Variants in VPS8 observed in about 807,000 individuals in gnomAD.
VPS8 encodes the protein vacuolar protein sorting-associated protein 8 homolog.
Under a neutral mutation model 216.4 loss-of-function variants are expected in VPS8, and 129 were observed. The observed-to-expected ratio is 0.60, with a 90% CI of 0.52 to 0.69. VPS8 has a LOEUF of 0.69. Among genes scored for constraint, VPS8 ranks in the 30% least tolerant of loss-of-function variants. The probability of loss-of-function intolerance (pLI) is 0.00; values close to 1 mark genes in which losing one functional copy is unlikely to be tolerated. For synonymous variants in VPS8, 571 were observed against 565.4 expected, an observed-to-expected ratio of 1.01 and a Z score of -0.14; for missense variants, 1,531 against 1,683.5, an observed-to-expected ratio of 0.91 and a Z score of 1.59.
chr3:185,031,748 A>G (rs1486553909), intron 46 of VPS8, among the ~76,000 whole-genome samples: 4 of 152,234 alleles, frequency 2.6e-5, no homozygotes, highest in African/African-American at 4.8e-5. Flanking sequence ...ACCTACTACT[A>G]GAGGTGTTTG....
intron 21 of VPS8, among the ~76,000 whole-genome samples, chr3:184,872,292 G>T (rs1370126403): frequency 6.6e-6 from 1 of 152,070 alleles, no homozygotes; most frequent in African/African-American, 2.4e-5. Context: ...GTATGTGTGT[G>T]TGGAGAATAT....
chr3:184,902,208 T>C (rs1430478786), intron 25 of VPS8, among the ~76,000 whole-genome samples: 1 of 149,792 alleles, frequency 6.7e-6, no homozygotes, highest in African/African-American at 2.5e-5. Flanking sequence ...CCAGGCATGG[T>C]GGCTCATGCC....
chr3:184,849,221 A>C (rs549048392), intron 9 of VPS8, 26 bp downstream of exon 9: 3 of 1,601,560 alleles, frequency 1.9e-6, no homozygotes, highest in African/African-American at 2.7e-5. Context: ...CCTTTAATTC[A>C]TAAGACAATG....
chr3:184,833,519 G>C (rs1325022190), intron 4 of VPS8, among the ~76,000 whole-genome samples: 2 of 152,090 alleles, frequency 1.3e-5, no homozygotes, highest in Non-Finnish European at 2.9e-5. Context: ...CCTTCAAATA[G>C]ATAACTTAAA....
intron 7 of VPS8, chr3:184,840,042 C>T: frequency 4.1e-6 from 2 of 489,520 alleles, no homozygotes; most frequent in Non-Finnish European, 5.6e-6. Flanking sequence ...CTTGGGTTAT[C>T]ATCTTGTCTG....
intron 16 of VPS8, among the ~76,000 whole-genome samples, chr3:184,865,247 G>A (rs1727119641): frequency 6.6e-6 from 1 of 152,120 alleles, no homozygotes; most frequent in South Asian, 2.1e-4. Context: ...AAAACTAATG[G>A]TCAAAAACTT....
At chr3:184,862,733 T>A (rs1434006457) in intron 15 of VPS8, among the ~76,000 whole-genome samples, 164 bp from the exon 16 acceptor site, 1 of 152,270 alleles carries the variant, frequency 6.6e-6, no homozygotes, top group Non-Finnish European at 1.5e-5. Flanking sequence ...TACTGTTCTC[T>A]GGCCTGTCAC....
chr3:184,824,649 AC>A lies in VPS8; in HGVS notation c.19del (p.His7MetfsTer17). ...GAAGTAAATATGGAAAATGAACCAGACCATGAAAATGTGGAACAGAGCCTCT... is the reference window on the plus strand; with the variant it reads ...GAAGTAAATATGGAAAATGAACCAGACATGAAAATGTGGAACAGAGCCTCT... MENEP[D>X]HENVEQSLCA... On this transcript the variant is annotated frameshift_variant, in exon 2 of 48. Transcript: ENST00000625842. LOFTEE classifies it high-confidence loss of function. The A allele has an allele frequency of 6.2e-7, 1 of 1,613,886 alleles. No individual in the cohort carries two copies. The highest frequency in any genetic ancestry group is 8.5e-7 in the Non-Finnish European group (1 of 1,179,862).
chr3:184,840,860 A>G (rs891035815), intron 7 of VPS8, among the ~76,000 whole-genome samples: 22 of 152,332 alleles, frequency 1.4e-4, no homozygotes, highest in Non-Finnish European at 2.4e-4. Context: ...ACAGACTTCT[A>G]TATGGATTAC....
intron 42 of VPS8, among the ~76,000 whole-genome samples, chr3:184,984,467 AT>A (rs1418158674): frequency 6.6e-6 from 1 of 151,294 alleles, no homozygotes; most frequent in East Asian, 2.0e-4. Flanking sequence ...CTGATTTTGT[AT>A]TTTTAGTAGA....
intron 45 of VPS8, among the ~76,000 whole-genome samples, chr3:185,002,630 A>G (rs1434494920): frequency 1.3e-5 from 2 of 152,024 alleles, no homozygotes; most frequent in East Asian, 3.9e-4. Context: ...TGAGTCCCCA[A>G]AGTCCATTAT....
chr3:184,869,415 G>T, intron 19 of VPS8, 67 bp from the exon 20 acceptor site: 1 of 1,485,058 alleles, frequency 6.7e-7, no homozygotes, highest in South Asian at 1.2e-5. Context: ...TATGAAACCA[G>T]ACATAGTTTC....
intron 45 of VPS8, among the ~76,000 whole-genome samples, chr3:185,013,810 G>A (rs1755392576): frequency 6.6e-6 from 1 of 152,222 alleles, no homozygotes; most frequent in Admixed American, 6.5e-5. Flanking sequence ...TGAACACAGT[G>A]TGGCCATGGC....
chr3:184,832,874 A>C, intron 4 of VPS8, 55 bp downstream of exon 4: 1 of 1,561,670 alleles, frequency 6.4e-7, no homozygotes, highest in Non-Finnish European at 8.7e-7. Flanking sequence ...AATTGTTTCA[A>C]ATGTAAATAT....
intron 45 of VPS8, among the ~76,000 whole-genome samples, chr3:185,015,690 A>G (rs550857772): frequency 1.3e-5 from 2 of 152,340 alleles, no homozygotes; most frequent in African/African-American, 4.8e-5. Flanking sequence ...TATCGAGAAT[A>G]CCCACAAAGT....
At chr3:184,995,216 G>A (rs1752460858) in intron 43 of VPS8, among the ~76,000 whole-genome samples, 1 of 152,320 alleles carries the variant, frequency 6.6e-6, no homozygotes, top group South Asian at 2.1e-4. Flanking sequence ...TTAGCGTACT[G>A]CAGAGTAACC....
chr3:184,933,527 T>TTG (rs35601004), intron 34 of VPS8, among the ~76,000 whole-genome samples: 67,577 of 150,058 alleles, frequency 0.45, 16,002 homozygotes, highest in Non-Finnish European at 0.55. Flanking sequence ...CTTTCGATCT[T>TTG]TGTGTGTGTG....
intron 30 of VPS8, among the ~76,000 whole-genome samples, 187 bp downstream of exon 30, chr3:184,925,168 T>C (rs1222809594): frequency 1.3e-5 from 2 of 152,148 alleles, no homozygotes; most frequent in African/African-American, 2.4e-5. Flanking sequence ...TTTGTGGAGA[T>C]TGGTTTACAG....
intron 35 of VPS8, among the ~76,000 whole-genome samples, chr3:184,938,712 C>A (rs1483120872): frequency 1.4e-5 from 2 of 144,202 alleles, no homozygotes; most frequent in African/African-American, 5.2e-5. Context: ...AATATAATGT[C>A]ATTCATCAGA....
Sources: gnomAD v4.1 joint callset for allele counts (sites outside exome capture counted in the v4.1 genomes callset) on GRCh38, gnomAD v4.1.1 for gene constraint, MANE v1.5 for transcripts, NCBI Gene and HGNC (gene_info 2026-07-23, HGNC 2026-07-21) for gene names.